Variants in FHIT observed in about 807,000 individuals in gnomAD.
FHIT encodes the protein fragile histidine triad diadenosine triphosphatase.
In FHIT, 19 loss-of-function variants were observed where a neutral mutation model predicts 17.9. That is an observed-to-expected ratio of 1.06 (90% CI 0.74 to 1.56). FHIT has a LOEUF of 1.56. FHIT is among the 40% of genes most tolerant of loss of function. The probability of loss-of-function intolerance (pLI) is 0.00; values close to 1 mark genes in which losing one functional copy is unlikely to be tolerated. For missense variants in FHIT, 248 were observed against 189.2 expected (o/e 1.31, Z -1.82); for synonymous variants, 81 against 69.7 (o/e 1.16, Z -0.81).
chr3:60,878,863 T>C (rs1314956567), intron 3 of FHIT, among the ~76,000 whole-genome samples: 2 of 152,188 alleles, frequency 1.3e-5, no homozygotes, highest in African/African-American at 2.4e-5. Context: ...TGTATATGTG[T>C]CACATTTTCT....
chr3:59,884,845 C>T (rs1438115971), intron 8 of FHIT, among the ~76,000 whole-genome samples: 1 of 152,138 alleles, frequency 6.6e-6, no homozygotes, highest in African/African-American at 2.4e-5. Flanking sequence ...ATGTGAGATC[C>T]TTGGGACAAT....
At chr3:61,175,675 G>C (rs1332562917) in intron 2 of FHIT, among the ~76,000 whole-genome samples, 10 of 151,166 alleles carry the variant, frequency 6.6e-5, no homozygotes, top group Admixed American at 6.6e-4. Flanking sequence ...GAGGTCAAAA[G>C]GAGTACTCTC....
At chr3:61,066,129 T>C (rs2034600896) in intron 2 of FHIT, among the ~76,000 whole-genome samples, 1 of 152,158 alleles carries the variant, frequency 6.6e-6, no homozygotes, top group African/African-American at 2.4e-5. Flanking sequence ...CTCACTTGGA[T>C]AACAAACCCA....
At chr3:60,903,853 T>C (rs1012810693) in intron 3 of FHIT, among the ~76,000 whole-genome samples, 2 of 152,162 alleles carry the variant, frequency 1.3e-5, no homozygotes, top group African/African-American at 2.4e-5. Flanking sequence ...TTCTAGCCTA[T>C]ATCCTCTGGA....
intron 5 of FHIT, among the ~76,000 whole-genome samples, chr3:60,175,809 G>C (rs925417582): frequency 4.6e-5 from 7 of 152,170 alleles, no homozygotes; most frequent in Admixed American, 1.3e-4. Context: ...CAGCATACTT[G>C]ATATAAGCAG....
At chr3:60,701,432 A>G (rs1553702099) in intron 4 of FHIT, among the ~76,000 whole-genome samples, 1 of 152,022 alleles carries the variant, frequency 6.6e-6, no homozygotes, top group Admixed American at 6.6e-5. Flanking sequence ...TCCCCCCCAA[A>G]CTCAGGGATC....
chr3:60,512,370 C>G (rs2034984294), intron 5 of FHIT, among the ~76,000 whole-genome samples: 1 of 152,164 alleles, frequency 6.6e-6, no homozygotes, highest in Admixed American at 6.5e-5. Context: ...CAACCTGCCC[C>G]ACTCCTCACC....
chr3:60,230,022 C>G (rs1259139256), intron 5 of FHIT, among the ~76,000 whole-genome samples: 1 of 152,190 alleles, frequency 6.6e-6, no homozygotes, highest in Non-Finnish European at 1.5e-5. Context: ...GGCCACTCAC[C>G]TCTATGCCAA....
intron 4 of FHIT, among the ~76,000 whole-genome samples, chr3:60,618,332 T>G (rs570496960): frequency 6.6e-6 from 1 of 152,326 alleles, no homozygotes; most frequent in South Asian, 2.1e-4. Context: ...GCTGTGCTGC[T>G]GTAGAGATGG....
intron 5 of FHIT, among the ~76,000 whole-genome samples, chr3:60,475,184 T>C (rs2107458712): frequency 6.6e-6 from 1 of 152,320 alleles, no homozygotes; most frequent in South Asian, 2.1e-4. Context: ...AGAGACTCTT[T>C]GTTCATCTCT....
intron 5 of FHIT, among the ~76,000 whole-genome samples, chr3:60,314,852 A>C (rs559937930): frequency 9.2e-5 from 14 of 152,280 alleles, no homozygotes; most frequent in African/African-American, 3.1e-4. Flanking sequence ...TAGGAGGCCA[A>C]TGCAGCAGGA....
intron 4 of FHIT, among the ~76,000 whole-genome samples, chr3:60,709,177 T>C (rs1483625718): frequency 1.3e-5 from 2 of 152,180 alleles, no homozygotes; most frequent in Non-Finnish European, 1.5e-5. Flanking sequence ...CAAAACACTA[T>C]GAATTTATTT....
chr3:60,252,644 C>G (rs1196096272), intron 5 of FHIT, among the ~76,000 whole-genome samples: 1 of 151,916 alleles, frequency 6.6e-6, no homozygotes, highest in Non-Finnish European at 1.5e-5. Flanking sequence ...ATTCCAGCAG[C>G]TAGTACTGTA....
chr3:60,790,150 T>C (rs1408137963), intron 4 of FHIT, among the ~76,000 whole-genome samples: 1 of 152,226 alleles, frequency 6.6e-6, no homozygotes, highest in Non-Finnish European at 1.5e-5. Flanking sequence ...TGAAAACTGC[T>C]GTCTTGTTGG....
At position 60,079,485 on chromosome 3, in the gene FHIT, T is replaced by C. The variant is rs182984276; in HGVS notation, c.104-65333A>G. Among the ~76,000 whole-genome samples the C allele has an allele frequency of 2.1e-3, 315 of 152,158 alleles. 1 individual carries two copies. Among genetic ancestry groups the C allele is most frequent in the African/African-American group, 7.2e-3 (300 of 41,528 alleles). On this transcript the variant is annotated intron_variant, in intron 5 of 9. Transcript: ENST00000492590. ...AGTTTTTCCTTAAGCAGCCTCCCTC[T>C]GCTCCCTGCTCCCACCAGCTGCTCC... is the stretch of plus-strand genomic sequence containing the variant.
intron 5 of FHIT, among the ~76,000 whole-genome samples, chr3:60,425,950 G>A (rs1422459885): frequency 6.6e-6 from 1 of 152,078 alleles, no homozygotes; most frequent in Admixed American, 6.6e-5. Context: ...ACCTGGCTGG[G>A]GAATTGATAT....
chr3:60,203,043 C>T (rs777525473), intron 5 of FHIT, among the ~76,000 whole-genome samples: 3 of 151,840 alleles, frequency 2.0e-5, no homozygotes, highest in Non-Finnish European at 4.4e-5. Context: ...CATACACACA[C>T]ACGTGTCTGT....
At chr3:60,573,047 G>T (rs1385372624) in intron 4 of FHIT, among the ~76,000 whole-genome samples, 4 of 152,098 alleles carry the variant, frequency 2.6e-5, no homozygotes, top group Admixed American at 1.3e-4. Context: ...GCTACTAAGT[G>T]GCAGGCTCAG....
intron 2 of FHIT, among the ~76,000 whole-genome samples, chr3:61,161,923 C>G (rs183919122): frequency 6.6e-6 from 1 of 152,180 alleles, no homozygotes; most frequent in East Asian, 1.9e-4. Flanking sequence ...AACAAGGTGT[C>G]TACACTGAAC....
Sources: allele counts gnomAD v4.1 joint callset (sites outside exome capture counted in the v4.1 genomes callset), GRCh38; gene constraint gnomAD v4.1.1; transcripts MANE v1.5; gene names NCBI Gene and HGNC (gene_info 2026-07-23, HGNC 2026-07-21).